RASA4: variants seen among roughly 807,000 people sequenced by gnomAD.
RASA4 encodes ras GTPase-activating protein 4.
RASA4 carries 5 observed loss-of-function variants against 24.0 expected under a neutral mutation model. The ratio of observed to expected loss-of-function variants is 0.21; its 90% confidence interval spans 0.11 to 0.44. The LOEUF is 0.44. Among genes scored for constraint, RASA4 ranks in the 20% least tolerant of loss-of-function variants. The pLI is 0.99. For missense variants in RASA4, 38 were observed against 293.0 expected (o/e 0.13, Z 6.35); for synonymous variants, 9 against 132.7 (o/e 0.07, Z 6.41).
intron 4 of RASA4, among the ~76,000 whole-genome samples, chr7:102,606,709 T>TG (rs1790689736): frequency 9.9e-6 from 1 of 101,194 alleles, no homozygotes; most frequent in Non-Finnish European, 2.3e-5. Flanking sequence ...CTTGCTATGT[T>TG]GCTCAGGCTG....
rs1185331958 is a variant in RASA4, at chr7:102,580,046, T to G, written c.*2725A>C. 3.2e-6 allele frequency: 1 copy of G among 315,908 alleles called. No individual in the cohort carries two copies. Among genetic ancestry groups the G allele is most frequent in the African/African-American group, 2.2e-5 (1 of 45,632 alleles). 19.6% of individuals were successfully genotyped at this position (315,908 alleles called of 1,614,324 possible). A position where few individuals can be genotyped will look rare whatever the true frequency, so the allele number is the denominator to read the frequency against. ...GATTCTCCCACCTCAGCCTGCCAAG[T>G]AGCTGGGATTACAGGCATGTGCCAC... On this transcript the variant is annotated 3_prime_UTR_variant, in exon 21 of 21. Coordinates refer to ENST00000262940, the MANE Select transcript of RASA4 (RefSeq NM_006989.6).
At chr7:102,586,065 A>AGGCTC (rs1256204679) in intron 18 of RASA4, among the ~76,000 whole-genome samples, 6 of 100,564 alleles carry the variant, frequency 6.0e-5, no homozygotes, top group African/African-American at 2.1e-4. Context: ...CATGTTGCCT[A>AGGCTC]GGCTCGTCTC....
At position 102,591,582 on chromosome 7, in the gene RASA4, G is replaced by GGGCT. The variant is rs1789995492; in HGVS notation, c.1830+699_1830+702dup. ...GGAGAGGTGACCCATGACTCAGAGA[G>GGGCT]GGCTGTACAAGGTGATCTTTGAGAT... is the stretch of plus-strand genomic sequence containing the variant. On this transcript the variant is annotated intron_variant, in intron 16 of 20. Coordinates refer to ENST00000262940, the MANE Select transcript of RASA4 (RefSeq NM_006989.6). Among the ~76,000 whole-genome samples the GGGCT allele has an allele frequency of 4.3e-5, 5 of 115,906 alleles. No homozygotes were observed. In the South Asian group the frequency reaches 1.5e-3, roughly 34 times the overall value. 76.0% of individuals were successfully genotyped at this position (115,906 alleles called of 152,430 possible).
chr7:102,612,053 C>G (rs1289982659), intron 1 of RASA4: 1 of 149,316 alleles, frequency 6.7e-6, no homozygotes, highest in Non-Finnish European at 1.5e-5. Flanking sequence ...ACCCTCCACA[C>G]CAAAGTCGAG....
At position 102,585,835 on chromosome 7, in the gene RASA4, C is replaced by T. The variant is rs1329917269; in HGVS notation, c.2105-1497G>A. On this transcript the variant is annotated intron_variant, in intron 18 of 20. Coordinates refer to ENST00000262940, the MANE Select transcript of RASA4 (RefSeq NM_006989.6). ...TAAAACAACGTTTTTTGTTTCTTTT[C>T]TGTTTTTTTTTTTGTTTTTTTGTTT... Among the ~76,000 whole-genome samples, 7 of 144,030 alleles carry T rather than the reference C, an allele frequency of 4.9e-5. No homozygotes were observed. The East Asian group carries it at 1.0e-3, about 21-fold the overall frequency. 94.5% of individuals were successfully genotyped at this position (144,030 alleles called of 152,430 possible). A position where few individuals can be genotyped will look rare whatever the true frequency, so the allele number is the denominator to read the frequency against.
intron 2 of RASA4, among the ~76,000 whole-genome samples, chr7:102,610,745 C>T (rs1322161813): frequency 6.7e-6 from 1 of 148,484 alleles, no homozygotes; most frequent in Non-Finnish European, 1.5e-5. Context: ...TATCGTATCT[C>T]GTTAATTGCA....
At chr7:102,599,687 G>A (rs1409853034) in intron 8 of RASA4, among the ~76,000 whole-genome samples, 173 bp downstream of exon 8, 1 of 143,630 alleles carries the variant, frequency 7.0e-6, no homozygotes, top group African/African-American at 2.5e-5. Flanking sequence ...GTGGAGCCCA[G>A]CCAGGATGAG....
At chr7:102,585,837 GTTTT>G (rs1186366280) in intron 18 of RASA4, among the ~76,000 whole-genome samples, 4 of 138,610 alleles carry the variant, frequency 2.9e-5, no homozygotes, top group Admixed American at 7.1e-5. Flanking sequence ...TTTCTTTTCT[GTTTT>G]TTTTTTTGTT....
intron 8 of RASA4, 82 bp from the exon 9 acceptor site, chr7:102,596,211 C>G: frequency 7.6e-7 from 1 of 1,314,208 alleles, no homozygotes; most frequent in East Asian, 2.5e-5. Flanking sequence ...CCAGTTTTTT[C>G]CCTTGGGGCC....
intron 17 of RASA4, among the ~76,000 whole-genome samples, chr7:102,589,839 C>A (rs1321454568): frequency 3.1e-5 from 1 of 32,056 alleles, no homozygotes; most frequent in African/African-American, 8.3e-5. Flanking sequence ...TAGCTGGTAG[C>A]GGGGCGAGAA....
chr7:102,599,994 T>TA, intron 7 of RASA4, 40 bp from the exon 8 acceptor site: 1 of 63,590 alleles, frequency 1.6e-5, no homozygotes, highest in Non-Finnish European at 2.9e-5. Context: ...CTGGGAGACT[T>TA]ACGTCTCCTC....
At chr7:102,598,254 T>G (rs1384866525) in intron 8 of RASA4, among the ~76,000 whole-genome samples, 5 of 82,264 alleles carry the variant, frequency 6.1e-5, no homozygotes, top group Non-Finnish European at 5.1e-5. Context: ...GGCTGAGGCA[T>G]GAGAATTGCT....
intron 5 of RASA4, among the ~76,000 whole-genome samples, 171 bp from the exon 6 acceptor site, chr7:102,602,576 A>T (rs2133466682): frequency 2.4e-5 from 1 of 42,274 alleles, no homozygotes; most frequent in African/African-American, 1.1e-4. Flanking sequence ...CTGCTCCCAT[A>T]GCCATCTCCC....
chr7:102,598,434 GTC>G (rs1195445973), intron 8 of RASA4, among the ~76,000 whole-genome samples: 1 of 103,572 alleles, frequency 9.7e-6, no homozygotes, highest in Non-Finnish European at 2.1e-5. Flanking sequence ...TTGAGACAGA[GTC>G]TAGCTTTGTC....
At chr7:102,602,599 T>C (rs1334499820) in intron 5 of RASA4, among the ~76,000 whole-genome samples, 194 bp from the exon 6 acceptor site, 2 of 59,636 alleles carry the variant, frequency 3.4e-5, no homozygotes, top group African/African-American at 1.6e-4. Flanking sequence ...GGATCGCCCA[T>C]GTGGCCAAGA....
rs1212430852 is a variant in RASA4 at position 102,579,971 on chromosome 7, G to A, written c.*2800C>T. 30 of 147,290 alleles carry A rather than the reference G, an allele frequency of 2.0e-4. No individual in the cohort carries two copies. Among genetic ancestry groups the A allele is most frequent in the African/African-American group, 7.1e-4 (28 of 39,196 alleles). 9.1% of individuals were successfully genotyped at this position (147,290 alleles called of 1,614,324 possible). A position where few individuals can be genotyped will look rare whatever the true frequency, so the allele number is the denominator to read the frequency against. On this transcript the variant is annotated 3_prime_UTR_variant, in exon 21 of 21. Coordinates refer to ENST00000262940, the MANE Select transcript of RASA4 (RefSeq NM_006989.6). ...TTTGTTTGTTTGTTTTTGTAAAGAC[G>A]GGGATTTCGCCACGTTGCCCAGGCT...
intron 16 of RASA4, among the ~76,000 whole-genome samples, chr7:102,591,909 C>T (rs1360130078): frequency 3.9e-5 from 6 of 152,190 alleles, no homozygotes; most frequent in Non-Finnish European, 7.4e-5. Context: ...TCTCGGCTCA[C>T]TGCAACTTCT....
chr7:102,596,280 C>T (rs1312182388), intron 8 of RASA4, 151 bp from the exon 9 acceptor site: 4 of 996,062 alleles, frequency 4.0e-6, no homozygotes, highest in Non-Finnish European at 6.1e-6. Flanking sequence ...CTCTGCCTCC[C>T]AGGCTCTGCC....
At chr7:102,585,842 T>G (rs1789752416) in intron 18 of RASA4, among the ~76,000 whole-genome samples, 3 of 136,340 alleles carry the variant, frequency 2.2e-5, no homozygotes, top group African/African-American at 7.5e-5. Context: ...TTTCTGTTTT[T>G]TTTTTTGTTT....
Sources: gnomAD v4.1 joint callset for allele counts (sites outside exome capture counted in the v4.1 genomes callset) on GRCh38, gnomAD v4.1.1 for gene constraint, MANE v1.5 for transcripts, NCBI Gene and HGNC (gene_info 2026-07-23, HGNC 2026-07-21) for gene names.